Variants in SCN7A observed in about 807,000 individuals in gnomAD.
SCN7A encodes sodium channel protein type 7 subunit alpha.
A neutral mutation model predicts 155.2 loss-of-function variants in SCN7A; 138 were observed. The observed-to-expected ratio is 0.89, with a 90% CI of 0.77 to 1.02. The LOEUF (loss-of-function observed/expected upper bound fraction) is 1.02, where lower values mean the gene tolerates loss of function less well. Among genes scored for constraint, SCN7A ranks in the 50% least tolerant of loss-of-function variants. The pLI, the probability that SCN7A is intolerant of heterozygous loss-of-function variation, is 0.00. For missense variants in SCN7A, 2,058 were observed against 1,986.6 expected, an observed-to-expected ratio of 1.04 and a Z score of -0.68; for synonymous variants, 693 against 649.0, an observed-to-expected ratio of 1.07 and a Z score of -1.03.
intron 11 of SCN7A, among the ~76,000 whole-genome samples, chr2:166,456,050 C>T (rs925241776): frequency 6.6e-6 from 1 of 152,138 alleles, no homozygotes; most frequent in Non-Finnish European, 1.5e-5. Context: ...AGTTCACATC[C>T]TTTGCAGGGA....
chr2:166,488,240 T>C (rs961335744), intron 1 of SCN7A, among the ~76,000 whole-genome samples: 1 of 152,236 alleles, frequency 6.6e-6, no homozygotes, highest in Non-Finnish European at 1.5e-5. Context: ...CATTCCATAA[T>C]GACTTACAGC....
At chr2:166,455,119 C>T (rs1012532567) in intron 11 of SCN7A, among the ~76,000 whole-genome samples, 2 of 152,140 alleles carry the variant, frequency 1.3e-5, no homozygotes, top group African/African-American at 4.8e-5. Context: ...CTGTCTACAA[C>T]TTCAGTACTG....
At chr2:166,471,732 G>A (rs1243658830) in intron 6 of SCN7A, among the ~76,000 whole-genome samples, 2 of 150,064 alleles carry the variant, frequency 1.3e-5, no homozygotes, top group African/African-American at 4.9e-5. Flanking sequence ...ATGTGGGGGG[G>A]GGGGTGGTGT....
intron 7 of SCN7A, among the ~76,000 whole-genome samples, chr2:166,469,435 T>C (rs1702606192): frequency 1.3e-5 from 2 of 152,000 alleles, no homozygotes; most frequent in Admixed American, 1.3e-4. Flanking sequence ...CTTCTATTTT[T>C]AAGCACATTT....
At chr2:166,483,439 T>G in intron 2 of SCN7A, among the ~76,000 whole-genome samples, 1 of 152,100 alleles carries the variant, frequency 6.6e-6, no homozygotes, top group African/African-American at 2.4e-5. Context: ...TTTGTGTACA[T>G]ATTATGTTGT....
intron 22 of SCN7A, among the ~76,000 whole-genome samples, 194 bp from the exon 23 acceptor site, chr2:166,412,861 T>C (rs369918328): frequency 6.6e-6 from 1 of 152,088 alleles, no homozygotes; most frequent in Non-Finnish European, 1.5e-5. Context: ...CATTTAACCA[T>C]TGTTGCAAAG....
intron 15 of SCN7A, among the ~76,000 whole-genome samples, chr2:166,437,333 A>G (rs543341685): frequency 3.3e-5 from 5 of 152,306 alleles, no homozygotes; most frequent in African/African-American, 1.2e-4. Context: ...TGGTGCAAAG[A>G]AGTCAAGAAC....
chr2:166,472,119 C>G (rs1042564468), intron 6 of SCN7A, among the ~76,000 whole-genome samples, 198 bp downstream of exon 6: 5 of 151,702 alleles, frequency 3.3e-5, no homozygotes, highest in African/African-American at 9.7e-5. Context: ...CCCCTCCCCC[C>G]ACTCCTTTCA....
At chr2:166,486,514 G>A (rs1400021709) in intron 2 of SCN7A, among the ~76,000 whole-genome samples, 2 of 152,184 alleles carry the variant, frequency 1.3e-5, no homozygotes, top group Non-Finnish European at 2.9e-5. Context: ...TGGTTAACAC[G>A]CTGGTACTGA....
At position 166,407,607 on chromosome 2, in the gene SCN7A, A is replaced by C. The variant is rs142431895; in HGVS notation, c.3983-961T>G. On this transcript the variant is annotated intron_variant, in intron 25 of 25. Transcript: ENST00000643258. ...ATCTTCTACTCTGACCCAAATTCTC[A>C]TTTCCCTTCAACCTTCCAAACTTTT... Among the ~76,000 whole-genome samples the C allele has an allele frequency of 3.4e-3, 516 of 151,968 alleles. 2 individuals are homozygous for C. The highest frequency in any genetic ancestry group is 0.012 in the African/African-American group (479 of 41,464).
chr2:166,485,270 G>A (rs1022223206), intron 2 of SCN7A, among the ~76,000 whole-genome samples: 4 of 152,114 alleles, frequency 2.6e-5, no homozygotes, highest in African/African-American at 9.7e-5. Flanking sequence ...TCAAACACTG[G>A]TGGATCTGGT....
At chr2:166,489,395 T>C (rs1683030096) in intron 1 of SCN7A, among the ~76,000 whole-genome samples, 1 of 152,202 alleles carries the variant, frequency 6.6e-6, no homozygotes, top group African/African-American at 2.4e-5. Context: ...TGCTTTCCAG[T>C]TAATATTTCT....
rs1231941408 is a variant in SCN7A at position 166,410,230 on chromosome 2, G to A, written c.3701C>T (p.Pro1234Leu). ...LMYEDSQRPV[P>L]RPLNKLQGFI... ...TAGACATTTTCTTACTAATGGGCGAGGTACTGGTCTTTGAGAATCCTCATA... is the reference window on the plus strand; with the variant it reads ...TAGACATTTTCTTACTAATGGGCGAAGTACTGGTCTTTGAGAATCCTCATA... The change falls in exon 24 of 26, where the codon CCT becomes CTT. Residue 1234 changes from proline (P) to leucine (L), a missense_variant. Transcript: ENST00000643258. 1 of 1,548,796 alleles carries A rather than the reference G, an allele frequency of 6.5e-7. No individual in the cohort carries two copies. Among genetic ancestry groups the A allele is most frequent in the Non-Finnish European group, 8.7e-7 (1 of 1,144,640 alleles).
chr2:166,484,727 T>A (rs775785162), intron 2 of SCN7A, among the ~76,000 whole-genome samples: 20 of 151,894 alleles, frequency 1.3e-4, no homozygotes, highest in Non-Finnish European at 2.5e-4. Flanking sequence ...TTAAGCATGA[T>A]CACTGCCTTC....
At chr2:166,437,406 A>G (rs1701862107) in intron 15 of SCN7A, among the ~76,000 whole-genome samples, 3 of 152,208 alleles carry the variant, frequency 2.0e-5, no homozygotes, top group African/African-American at 7.2e-5. Context: ...ATGTCCAGGC[A>G]GAAGTTTGCT....
At chr2:166,483,531 C>T (rs977745130) in intron 2 of SCN7A, among the ~76,000 whole-genome samples, 6 of 151,860 alleles carry the variant, frequency 4.0e-5, no homozygotes, top group African/African-American at 1.4e-4. Flanking sequence ...TTATCCCTGG[C>T]TCCATGCACT....
intron 18 of SCN7A, 137 bp downstream of exon 18, chr2:166,427,651 G>C (rs1701651739): frequency 1.4e-5 from 8 of 579,002 alleles, no homozygotes. Flanking sequence ...TTAAATCACA[G>C]ATTATGAAAT....
Position 166,444,868 on chromosome 2 carries a change from G to C in SCN7A, c.1520C>G (p.Thr507Ser), listed in dbSNP as rs1472463309. The C allele has an allele frequency of 6.2e-7, 1 of 1,612,422 alleles. No homozygotes were observed. Among genetic ancestry groups the C allele is most frequent in the Middle Eastern group, 1.7e-4 (1 of 6,052 alleles). The change falls in exon 13 of 26, where the codon ACT (threonine) becomes AGT (serine). Residue 507 changes from threonine to serine, a missense_variant. Physicochemically the swap from Thr to Ser is moderately conservative, Grantham distance 58 (BLOSUM62 1). Coordinates refer to ENST00000643258, the MANE Select transcript of SCN7A (RefSeq NM_002976.4). ...FVHRIIMAPF[T>S]DLFLIICIIL... ...TATGCATATGATAAGGAAAAGATCA[G>C]TAAATGGTGCCATTATAATCCTATG...
chr2:166,414,227 T>TA lies in SCN7A; in HGVS notation c.3415-1107dup, dbSNP rs1278277404. Among the ~76,000 whole-genome samples the TA allele has an allele frequency of 3.6e-3, 298 of 83,368 alleles. 3 individuals carry two copies. The highest frequency in any genetic ancestry group is 9.8e-3 in the African/African-American group (182 of 18,656). The allele number at this position is 83,368 out of a possible 152,430, so 54.7% of individuals were successfully genotyped here. On this transcript the variant is annotated intron_variant, in intron 21 of 25. Coordinates refer to ENST00000643258, the MANE Select transcript of SCN7A (RefSeq NM_002976.4). Reference sequence around the variant, plus strand: ...ATATATATGTAAATATATATAAATATATATATCTATATATGTAAATATATA... The same window carrying TA: ...ATATATATGTAAATATATATAAATATAATATATCTATATATGTAAATATATA...
Sources: allele counts gnomAD v4.1 joint callset (sites outside exome capture counted in the v4.1 genomes callset), GRCh38; gene constraint gnomAD v4.1.1; transcripts MANE v1.5; gene names NCBI Gene and HGNC (gene_info 2026-07-23, HGNC 2026-07-21).